The following CDKL5 variants were observed in gnomAD, a reference collection of about 807,000 sequenced individuals.
The protein encoded by CDKL5 is cyclin dependent kinase like 5.
CDKL5 carries 8 observed loss-of-function variants against 61.7 expected under a neutral mutation model. The observed-to-expected ratio is 0.13, with a 90% CI of 0.08 to 0.23. The LOEUF (loss-of-function observed/expected upper bound fraction) is 0.23. Among genes scored for constraint, CDKL5 ranks in the 10% least tolerant of loss-of-function variants. The pLI is 1.00. For missense variants in CDKL5, 440 were observed against 734.5 expected, an observed-to-expected ratio of 0.60 and a Z score of 4.63; for synonymous variants, 275 against 272.3, an observed-to-expected ratio of 1.01 and a Z score of -0.10.
chrX:18,497,623 A>G (rs1295826909), intron 1 of CDKL5, among the ~76,000 whole-genome samples: 1 of 111,974 alleles, frequency 8.9e-6, no homozygotes, highest in African/African-American at 3.2e-5. Context: ...CTGAGGTCTT[A>G]AAAGCTTGTT....
chrX:18,531,700 C>CTTT (rs200547617), intron 3 of CDKL5, among the ~76,000 whole-genome samples: 2 of 107,869 alleles, frequency 1.9e-5, no homozygotes, highest in African/African-American at 7.1e-5. Context: ...TTCTTTTTTT[C>CTTT]TTTTTTCTTT....
At chrX:18,461,690 C>T (rs1040585557) in intron 1 of CDKL5, among the ~76,000 whole-genome samples, 1 of 112,058 alleles carries the variant, frequency 8.9e-6, no homozygotes, top group Middle Eastern at 4.6e-3. Flanking sequence ...GAATAAAGGA[C>T]AATGCCCTTT....
chrX:18,434,747 G>T (rs1309088741), intron 1 of CDKL5, among the ~76,000 whole-genome samples: 2 of 110,992 alleles, frequency 1.8e-5, no homozygotes, highest in Non-Finnish European at 3.8e-5. Flanking sequence ...GGACAACAAG[G>T]TGAAACCCTC....
intron 12 of CDKL5, among the ~76,000 whole-genome samples, chrX:18,607,626 A>G (rs747623063): frequency 2.7e-5 from 3 of 111,951 alleles, no homozygotes; most frequent in Non-Finnish European, 5.6e-5. Flanking sequence ...AAGAAAGTAC[A>G]AGTTTAAAAG....
chrX:18,615,316 G>A (rs1236128008), intron 15 of CDKL5, among the ~76,000 whole-genome samples: 3 of 111,753 alleles, frequency 2.7e-5, no homozygotes, highest in Non-Finnish European at 5.6e-5. Flanking sequence ...ACAAGCTCTC[G>A]AATTGGTTCA....
chrX:18,635,586 A>T lies in CDKL5; in HGVS notation c.*6829A>T. On this transcript the variant is annotated 3_prime_UTR_variant, in exon 18 of 18. Coordinates refer to ENST00000623535, the MANE Select transcript of CDKL5 (RefSeq NM_001323289.2). ...AAAACTAGGCAAATCCTGTAACTTA[A>T]TGATGTTGATCTTTGTTTTCCTATT... 1 of 752,258 alleles carries T rather than the reference A, an allele frequency of 1.3e-6. No homozygotes were observed. The highest frequency in any genetic ancestry group is 6.7e-5 in the South Asian group (1 of 14,822). The allele number at this position is 752,258 out of a possible 1,213,427, so 62.0% of individuals were successfully genotyped here.
chrX:18,639,608 C>G lies in CDKL5; in HGVS notation c.*10851C>G, dbSNP rs1927495907. Reference sequence around the variant, plus strand: ...GATAATAGTTCCTCCAAAGATTAAACAAGAGTGACTGTGTGTCCCAGCAGT... The same window carrying G: ...GATAATAGTTCCTCCAAAGATTAAAGAAGAGTGACTGTGTGTCCCAGCAGT... On this transcript the variant is annotated 3_prime_UTR_variant, in exon 18 of 18. Coordinates refer to ENST00000623535, the MANE Select transcript of CDKL5 (RefSeq NM_001323289.2). 1.8e-5 allele frequency among the ~76,000 whole-genome samples: 2 copies of G among 112,237 alleles called. No homozygotes were observed. Among genetic ancestry groups the G allele is most frequent in the African/African-American group, 6.5e-5 (2 of 30,852 alleles).
At chrX:18,463,684 A>G (rs920109510) in intron 1 of CDKL5, among the ~76,000 whole-genome samples, 1 of 112,221 alleles carries the variant, frequency 8.9e-6, no homozygotes, top group African/African-American at 3.2e-5. Context: ...TTACAGAGGA[A>G]ATCTGGGGCA....
intron 4 of CDKL5, among the ~76,000 whole-genome samples, chrX:18,565,366 T>G (rs1018256841): frequency 8.9e-6 from 1 of 112,221 alleles, no homozygotes; most frequent in Non-Finnish European, 1.9e-5. Flanking sequence ...GAACTTCATC[T>G]TATGAATGTG....
In CDKL5 at chrX:18,587,598, A is replaced by C. The variant is rs1925681603; in HGVS notation, c.555-356A>C. The C allele has an allele frequency of 4.5e-5, 9 of 201,489 alleles. No homozygotes were observed. The South Asian group carries it at 6.6e-4, about 15-fold the overall frequency. 16.6% of individuals were successfully genotyped at this position (201,489 alleles called of 1,213,427 possible). On this transcript the variant is annotated intron_variant, in intron 8 of 17. Transcript: ENST00000623535. ...GAGCTAAAGGATAATTATTTGTCTTAGAAAATACAATTATTTGGAAGCATT... is the reference window on the plus strand; with the variant it reads ...GAGCTAAAGGATAATTATTTGTCTTCGAAAATACAATTATTTGGAAGCATT...
chrX:18,440,713 TCCAC>T (rs1368561685), intron 1 of CDKL5, among the ~76,000 whole-genome samples: 1 of 111,776 alleles, frequency 8.9e-6, no homozygotes, highest in Non-Finnish European at 1.9e-5. Context: ...CCTCAGGTGA[TCCAC>T]CCACTTCAGC....
At chrX:18,542,647 C>T (rs1924061943) in intron 3 of CDKL5, among the ~76,000 whole-genome samples, 1 of 107,350 alleles carries the variant, frequency 9.3e-6, no homozygotes, top group Admixed American at 1.0e-4. Flanking sequence ...TTTCATGGTT[C>T]CTAATATGAT....
intron 1 of CDKL5, among the ~76,000 whole-genome samples, chrX:18,460,676 T>C (rs1205100621): frequency 1.8e-5 from 2 of 110,675 alleles, no homozygotes; most frequent in Non-Finnish European, 3.8e-5. Flanking sequence ...TAATTTTGTA[T>C]TTTTTGTAGA....
intron 1 of CDKL5, among the ~76,000 whole-genome samples, chrX:18,439,045 G>C (rs867884377): frequency 1.4e-3 from 51 of 37,446 alleles, no homozygotes; most frequent in East Asian, 2.8e-3. Flanking sequence ...GCCCCTTTTT[G>C]CCCCCCCCCC....
intron 1 of CDKL5, among the ~76,000 whole-genome samples, chrX:18,462,586 G>A (rs909346013): frequency 8.9e-6 from 1 of 111,848 alleles, no homozygotes; most frequent in South Asian, 3.7e-4. Context: ...GAAGGCAGGG[G>A]CCTTACTGCA....
chrX:18,595,919 G>A (rs1925977163), intron 10 of CDKL5, among the ~76,000 whole-genome samples: 1 of 111,735 alleles, frequency 8.9e-6, no homozygotes, highest in Non-Finnish European at 1.9e-5. Flanking sequence ...TGTGGCCTGA[G>A]TGTTCTTCCT....
chrX:18,459,884 T>G (rs1353965797), intron 1 of CDKL5, among the ~76,000 whole-genome samples: 1 of 103,851 alleles, frequency 9.6e-6, no homozygotes, highest in Non-Finnish European at 2.0e-5. Flanking sequence ...TTTTTTTTCT[T>G]TTTCCGAGAC....
At chrX:18,647,393 A>G (rs1260335914) in intron 20 of CDKL5, 2 of 1,152,526 alleles carry the variant, frequency 1.7e-6, no homozygotes, top group African/African-American at 3.6e-5. Context: ...GCACCAGGTG[A>G]CTGAAATAAC....
chrX:18,497,828 C>T (rs1452760531), intron 1 of CDKL5, among the ~76,000 whole-genome samples: 2 of 107,877 alleles, frequency 1.9e-5, no homozygotes, highest in Non-Finnish European at 3.8e-5. Context: ...TTCTTCCTTC[C>T]TTTCTTTCCT....
Sources: gnomAD v4.1 joint callset for allele counts (sites outside exome capture counted in the v4.1 genomes callset) on GRCh38, gnomAD v4.1.1 for gene constraint, MANE v1.5 for transcripts, NCBI Gene and HGNC (gene_info 2026-07-23, HGNC 2026-07-21) for gene names.